MROH1: variants seen among roughly 807,000 people sequenced by gnomAD.
MROH1 encodes maestro heat-like repeat-containing protein family member 1.
Under a neutral mutation model 116.5 loss-of-function variants are expected in MROH1, and 117 were observed. That is an observed-to-expected ratio of 1.00 (90% CI 0.86 to 1.17). MROH1 has a LOEUF of 1.17. Among genes scored for constraint, MROH1 ranks in the 50% most tolerant of loss-of-function variants. The pLI is 0.00. For synonymous variants in MROH1, 921 were observed against 583.9 expected (o/e 1.58, Z -8.32); for missense variants, 1,873 against 1,338.5 (o/e 1.40, Z -6.23).
At chr8:144,199,007 T>G in intron 10 of MROH1, 115 bp from the exon 11 acceptor site, 1 of 910,184 alleles carries the variant, frequency 1.1e-6, no homozygotes, top group Non-Finnish European at 1.7e-6. Flanking sequence ...GCTGTAGGCA[T>G]GGGGTGGAAA....
intron 10 of MROH1, chr8:144,193,074 C>G (rs1829035006): frequency 5.9e-6 from 1 of 169,668 alleles, no homozygotes; most frequent in Admixed American, 5.5e-5. Flanking sequence ...CTCACCTGGC[C>G]CACTCCAGCT....
chr8:144,208,559 TATTA>T (rs1291713219), intron 12 of MROH1, among the ~76,000 whole-genome samples: 3 of 152,030 alleles, frequency 2.0e-5, no homozygotes, highest in South Asian at 2.1e-4. Context: ...CCTCTCAACT[TATTA>T]ATTCTGCAGT....
chr8:144,257,927 A>G (rs952074007), intron 35 of MROH1, among the ~76,000 whole-genome samples: 2 of 152,196 alleles, frequency 1.3e-5, no homozygotes. Context: ...GGGGCTGTGG[A>G]GTTGAAATGG....
chr8:144,228,221 C>T (rs116001072), intron 14 of MROH1, among the ~76,000 whole-genome samples: 1,555 of 152,248 alleles, frequency 0.01, 22 homozygotes, highest in African/African-American at 0.035. Context: ...GGCAACAGAA[C>T]GAGAACCTCT....
intron 12 of MROH1, chr8:144,214,549 G>A (rs1459283089): frequency 6.6e-6 from 1 of 152,108 alleles, no homozygotes; most frequent in Non-Finnish European, 1.5e-5. Context: ...TTTTTCCTTG[G>A]TGCTTTTTAG....
Position 144,191,823 on chromosome 8 carries a change from A to C in MROH1, c.823A>C (p.Lys275Gln). 1 of 1,613,478 alleles carries C rather than the reference A, an allele frequency of 6.2e-7. No homozygotes were observed. The highest frequency in any genetic ancestry group is 8.5e-7 in the Non-Finnish European group (1 of 1,179,838). ...KLLPGILALY[K>Q]KHAETFYLSK... ...CCTCCCTGGGATTCTCGCCCTCTAC[A>C]AGAAGCACGCAGAGACCTTCTACTT... Residue 275 changes from lysine (K) to glutamine (Q), a missense_variant, in exon 9 of 44, where the codon AAG (lysine) becomes CAG (glutamine). By Grantham distance (53) the Lys-to-Gln change is moderately conservative. Transcript: ENST00000326134.
chr8:144,163,013 C>T lies in MROH1; in HGVS notation c.-56-758C>T, dbSNP rs1819937716. Among the ~76,000 whole-genome samples, 1 of 152,234 alleles carries T rather than the reference C, an allele frequency of 6.6e-6. No individual in the cohort carries two copies. The highest frequency in any genetic ancestry group is 6.5e-5 in the Admixed American group (1 of 15,278). On this transcript the variant is annotated intron_variant, in intron 2 of 43. Coordinates refer to ENST00000326134, the MANE Select transcript of MROH1 (RefSeq NM_032450.3). The surrounding 1 kb of genome is among the most constrained non-coding windows in gnomAD (Gnocchi z 4.4). ...GCTGGATTACAGGCATGAGCCATCG[C>T]TCTTGGCCAAGATTTCTATGATTTC...
chr8:144,258,942 C>T (rs1303338013), intron 36 of MROH1, 28 bp downstream of exon 36: 2 of 714,654 alleles, frequency 2.8e-6, no homozygotes, highest in Non-Finnish European at 2.6e-6. Context: ...ACTGCAGCTC[C>T]AGCACTGGCT....
chr8:144,149,883 G>A (rs965101913), intron 1 of MROH1, among the ~76,000 whole-genome samples: 11 of 150,722 alleles, frequency 7.3e-5, no homozygotes, highest in African/African-American at 2.2e-4. Context: ...TGTGAGCAGT[G>A]GGCTGTGGGA....
chr8:144,210,995 AT>A (rs750259562), intron 12 of MROH1, among the ~76,000 whole-genome samples: 1 of 152,116 alleles, frequency 6.6e-6, no homozygotes, highest in Non-Finnish European at 1.5e-5. Flanking sequence ...AACTCCCCAT[AT>A]TTAAGTCCCT....
chr8:144,179,276 G>C (rs1017604824), intron 4 of MROH1, among the ~76,000 whole-genome samples, 179 bp from the exon 5 acceptor site: 5 of 152,114 alleles, frequency 3.3e-5, no homozygotes. Context: ...GATGGGCCGT[G>C]AGTGTGAGGC....
At chr8:144,247,461 G>T in intron 30 of MROH1, 25 bp downstream of exon 30, 1 of 768,194 alleles carries the variant, frequency 1.3e-6, no homozygotes. Flanking sequence ...GGAGTGTGGG[G>T]GCCAGTGGTC....
intron 29 of MROH1, 88 bp from the exon 30 acceptor site, chr8:144,247,201 GCACTCCTGGCCA>G: frequency 1.4e-6 from 1 of 697,976 alleles, no homozygotes; most frequent in South Asian, 1.5e-5. Context: ...GACACCAGCA[GCACTCCTGGCCA>G]CACTCCAGCC....
intron 1 of MROH1, among the ~76,000 whole-genome samples, chr8:144,157,685 T>C (rs1818491481): frequency 6.8e-6 from 1 of 147,802 alleles, no homozygotes; most frequent in African/African-American, 2.5e-5. Context: ...TTCTTTTTTT[T>C]TTTTTTTTTT....
rs1385783075 is a variant in MROH1, at chr8:144,168,399, A to G, written c.127A>G (p.Thr43Ala). The change falls in exon 4 of 44, where the codon ACG (threonine) becomes GCG (alanine). Residue 43 changes from threonine to alanine, a missense_variant. Thr to Ala is a moderately conservative substitution (Grantham distance 58, BLOSUM62 0). Transcript: ENST00000326134. ...CSLGEARPVETLRACEEYLRQ... is the reference protein window; with the variant it reads ...CSLGEARPVEALRACEEYLRQ... ...CCTCGGGGAGGCGCGGCCGGTGGAGACGCTCCGTGCCTGCGAGGAGTATCT... is the reference window on the plus strand; with the variant it reads ...CCTCGGGGAGGCGCGGCCGGTGGAGGCGCTCCGTGCCTGCGAGGAGTATCT... 5 of 1,611,232 alleles carry G rather than the reference A, an allele frequency of 3.1e-6. No homozygotes were observed. The highest frequency in any genetic ancestry group is 1.3e-5 in the African/African-American group (1 of 74,844).
chr8:144,179,816 C>T (rs1564408138), intron 5 of MROH1, among the ~76,000 whole-genome samples: 1 of 152,208 alleles, frequency 6.6e-6, no homozygotes. Context: ...ACTCAGCACA[C>T]GCAGGACCGT....
At chr8:144,254,575 T>A (rs1426624153) in intron 33 of MROH1, 3 of 532,686 alleles carry the variant, frequency 5.6e-6, no homozygotes. Flanking sequence ...GGGCCCTGTG[T>A]GTATAGGCCC....
intron 18 of MROH1, 125 bp from the exon 19 acceptor site, chr8:144,239,976 G>A (rs2132875644): frequency 2.8e-6 from 2 of 711,644 alleles, no homozygotes; most frequent in East Asian, 5.4e-5. Flanking sequence ...CCTGGGAGCA[G>A]GTGGGGGGCA....
At chr8:144,168,176 C>T (rs1404495342) in intron 3 of MROH1, 119 bp from the exon 4 acceptor site, 23 of 1,228,234 alleles carry the variant, frequency 1.9e-5, no homozygotes, top group Middle Eastern at 2.8e-4. Context: ...GTGCCCTCTC[C>T]TGCTCTGTGT....
Sources: allele counts gnomAD v4.1 joint callset (sites outside exome capture counted in the v4.1 genomes callset), GRCh38; gene constraint gnomAD v4.1.1; non-coding constraint Gnocchi (gnomAD v3.1); transcripts MANE v1.5; gene names NCBI Gene and HGNC (gene_info 2026-07-23, HGNC 2026-07-21).